The following MACF1 variants were observed in gnomAD, a reference collection of about 807,000 sequenced individuals.
The protein encoded by MACF1 is microtubule-actin cross-linking factor 1.
Under a neutral mutation model 854.8 loss-of-function variants are expected in MACF1, and 193 were observed. The observed-to-expected ratio is 0.23, with a 90% confidence interval of 0.20 to 0.25. The LOEUF is 0.25. MACF1 is among the 10% of genes least tolerant of loss of function. MACF1 has a pLI of 1.00. For missense variants in MACF1, 7,722 were observed against 8,929.1 expected, an observed-to-expected ratio of 0.86 and a Z score of 5.45; for synonymous variants, 3,185 against 3,226.7, an observed-to-expected ratio of 0.99 and a Z score of 0.44.
intron 99 of MACF1, among the ~76,000 whole-genome samples, chr1:39,481,796 A>G (rs1456319932): frequency 6.6e-6 from 1 of 152,186 alleles, no homozygotes; most frequent in African/African-American, 2.4e-5. Flanking sequence ...TTGTGCCTCA[A>G]GACAGTGTTG....
chr1:39,258,869 C>A (rs1344078821), intron 6 of MACF1, among the ~76,000 whole-genome samples: 1 of 152,118 alleles, frequency 6.6e-6, no homozygotes, highest in Non-Finnish European at 1.5e-5. Flanking sequence ...CAGGTGTCCC[C>A]GAATTCCTGA....
Position 39,291,770 on chromosome 1 carries a change from G to A in MACF1, c.1786-140G>A. 4.2e-6 allele frequency: 3 copies of A among 719,008 alleles called. No homozygotes were observed. In the South Asian group the frequency reaches 6.3e-5, roughly 15 times the overall value. 44.5% of individuals were successfully genotyped at this position (719,008 alleles called of 1,614,324 possible). Reference sequence around the variant, plus strand: ...TGATGGCGTAATTTTTGTGTAAGAGGCTGTAGATTGAAGGAGATGGCCTGG... The same window carrying A: ...TGATGGCGTAATTTTTGTGTAAGAGACTGTAGATTGAAGGAGATGGCCTGG... On this transcript the variant is annotated intron_variant, in intron 15 of 100. Coordinates refer to ENST00000564288, the MANE Select transcript of MACF1 (RefSeq NM_001394062.1).
intron 80 of MACF1, among the ~76,000 whole-genome samples, chr1:39,447,131 C>G (rs1207746784): frequency 1.3e-5 from 2 of 152,160 alleles, no homozygotes; most frequent in African/African-American, 2.4e-5. Flanking sequence ...TGTTCACTTA[C>G]AGTTATTGAA....
At chr1:39,182,091 C>T (rs1298421523) in intron 2 of MACF1, among the ~76,000 whole-genome samples, 1 of 150,374 alleles carries the variant, frequency 6.7e-6, no homozygotes, top group African/African-American at 2.5e-5. Flanking sequence ...GCAGAGGTTG[C>T]AGTGAGCTGA....
chr1:39,239,533 G>C (rs1181732586), intron 2 of MACF1, among the ~76,000 whole-genome samples: 3 of 152,062 alleles, frequency 2.0e-5, no homozygotes, highest in Non-Finnish European at 2.9e-5. Context: ...CATATGTAAG[G>C]GTTCTGCTTA....
At chr1:39,463,212 C>T (rs748334179) in intron 93 of MACF1, among the ~76,000 whole-genome samples, 7 of 152,132 alleles carry the variant, frequency 4.6e-5, no homozygotes, top group Non-Finnish European at 8.8e-5. Context: ...ATGAGCTGTG[C>T]GTGGTGGCTC....
At position 39,453,849 on chromosome 1, in the gene MACF1, A is replaced by T; in HGVS notation, c.20885A>T (p.Glu6962Val). 2 of 1,614,202 alleles carry T rather than the reference A, an allele frequency of 1.2e-6. No homozygotes were observed. The highest frequency in any genetic ancestry group is 1.7e-6 in the Non-Finnish European group (2 of 1,180,026). The change falls in exon 88 of 101, where the codon GAG becomes GTG. Residue 6962 changes from glutamate to valine, a missense_variant and splice_region_variant. Glu to Val is a moderately radical substitution (Grantham distance 121). Transcript: ENST00000564288. ...ACCATCATCCGAGCTCGCTTCGAGG[A>T]GGTGAGTCCCTGGTTCAGAGGAGGA... is the stretch of plus-strand genomic sequence containing the variant. ...WITIIRARFE[E>V]VLTWAKQHQQ...
intron 26 of MACF1, among the ~76,000 whole-genome samples, chr1:39,313,467 A>G (rs1421635112): frequency 6.6e-6 from 1 of 152,288 alleles, no homozygotes; most frequent in East Asian, 1.9e-4. Flanking sequence ...CGTTCCTTCT[A>G]CATAAAAAAC....
rs528726172 is a variant in MACF1, at chr1:39,445,381, TCAC to T, written c.19605+547_19605+549del. ...GATTATTTTTTATGAGTACAGAGTT[TCAC>T]TGTATTTTTTGCTGCTCAGATCAAG... On this transcript the variant is annotated intron_variant, in intron 80 of 100. Coordinates refer to ENST00000564288, the MANE Select transcript of MACF1 (RefSeq NM_001394062.1). 6.0e-3 allele frequency among the ~76,000 whole-genome samples: 913 copies of T among 152,312 alleles called. 7 individuals are homozygous for T. The highest frequency in any genetic ancestry group is 0.021 in the African/African-American group (855 of 41,554).
At chr1:39,410,551 A>C (rs1557637502) in intron 58 of MACF1, 2 of 1,614,044 alleles carry the variant, frequency 1.2e-6, no homozygotes, top group Non-Finnish European at 1.7e-6. Context: ...GCTGGATGAG[A>C]GGATAATATT....
intron 2 of MACF1, among the ~76,000 whole-genome samples, chr1:39,146,385 G>A (rs1643463862): frequency 1.3e-5 from 2 of 151,440 alleles, no homozygotes; most frequent in South Asian, 4.2e-4. Flanking sequence ...GAAGGTTGCA[G>A]TGAGCTGAGA....
chr1:39,477,830 C>T (rs1187154346), intron 97 of MACF1, among the ~76,000 whole-genome samples: 1 of 152,094 alleles, frequency 6.6e-6, no homozygotes, highest in Non-Finnish European at 1.5e-5. Context: ...TGCATTATTG[C>T]ACATTCTGTG....
intron 64 of MACF1, 93 bp from the exon 65 acceptor site, chr1:39,429,734 A>G (rs1643838229): frequency 4.1e-6 from 5 of 1,210,466 alleles, no homozygotes; most frequent in African/African-American, 3.1e-5. Flanking sequence ...GAGAGCGTCT[A>G]TGAAATTAAA....
upstream of MACF1, among the ~76,000 whole-genome samples, chr1:39,201,497 C>T (rs143196008): frequency 0.023 from 3,489 of 152,170 alleles, 83 homozygotes; most frequent in East Asian, 0.13. Context: ...GGACTACAGG[C>T]GCGTGCCACC....
chr1:39,356,153 AACTC>A (rs1379220691), intron 44 of MACF1, among the ~76,000 whole-genome samples: 6 of 152,202 alleles, frequency 3.9e-5, no homozygotes, highest in Non-Finnish European at 8.8e-5. Flanking sequence ...TCAAAACAAA[AACTC>A]ACAGCTCTCC....
In MACF1 at chr1:39,372,560, A is replaced by G. The variant is rs1649340088; in HGVS notation, c.13177A>G (p.Met4393Val). The G allele has an allele frequency of 6.2e-7, 1 of 1,613,778 alleles. No homozygotes were observed. Among genetic ancestry groups the G allele is most frequent in the Admixed American group, 1.7e-5 (1 of 60,016 alleles). ...CKGTSLENLIMEITAPDSQGK... is the reference protein window; with the variant it reads ...CKGTSLENLIVEITAPDSQGK... ...AGGTACTTCTTTAGAAAATCTCATC[A>G]TGGAAATCACAGCACCTGATTCCCA... Residue 4393 changes from methionine (M) to valine (V), a missense_variant, in exon 52 of 101, where the codon ATG becomes GTG. Physicochemically the swap from Met to Val is conservative, Grantham distance 21. This residue lies in a region of MACF1 where 2,807 missense variants were observed against 3,235.8 expected (regional missense o/e 0.87). Transcript: ENST00000564288.
At chr1:39,248,757 T>A (rs1645009527) in intron 2 of MACF1, among the ~76,000 whole-genome samples, 1 of 152,192 alleles carries the variant, frequency 6.6e-6, no homozygotes, top group Non-Finnish European at 1.5e-5. Flanking sequence ...AGACAGAGTC[T>A]TGTTCTGTCG....
At chr1:39,397,444 C>A (rs1027345748) in intron 58 of MACF1, among the ~76,000 whole-genome samples, 1 of 152,052 alleles carries the variant, frequency 6.6e-6, no homozygotes, top group African/African-American at 2.4e-5. Flanking sequence ...CGCCTGTAAT[C>A]CCAGCTACTC....
At position 39,437,800 on chromosome 1, in the gene MACF1, G is replaced by A; in HGVS notation, c.18012G>A (p.Met6004Ile). 3.1e-6 allele frequency: 5 copies of A among 1,614,010 alleles called. No individual in the cohort carries two copies. The highest frequency in any genetic ancestry group is 4.2e-6 in the Non-Finnish European group (5 of 1,179,878). ...AGTTTCATGATAAAATTGAGCCTAT[G>A]TTGGAGACACTGGAGAATCTTTCCT... ...STQFHDKIEP[M>I]LETLENLSSR... The change falls in exon 71 of 101, where the codon ATG becomes ATA. Residue 6004 changes from methionine (M) to isoleucine (I), a missense_variant. Met to Ile is a conservative substitution (Grantham distance 10). This residue lies in a region of MACF1 where 2,807 missense variants were observed against 3,235.8 expected (regional missense o/e 0.87). Transcript: ENST00000564288.
Sources: allele counts gnomAD v4.1 joint callset (sites outside exome capture counted in the v4.1 genomes callset), GRCh38; gene constraint gnomAD v4.1.1; regional missense constraint gnomAD v4.1.1; transcripts MANE v1.5; gene names NCBI Gene and HGNC (gene_info 2026-07-23, HGNC 2026-07-21).